The following CELF2 variants were observed in gnomAD, a reference collection of about 807,000 sequenced individuals.
CELF2 encodes CUG triplet repeat RNA-binding protein 2.
Under a neutral mutation model 62.6 loss-of-function variants are expected in CELF2, and 8 were observed. That is an observed-to-expected ratio of 0.13 (90% CI 0.07 to 0.23). The LOEUF (loss-of-function observed/expected upper bound fraction) is 0.23, where lower values mean the gene tolerates loss of function less well. Ranked by LOEUF, CELF2 falls within the 10% of genes least tolerant of loss-of-function variation. The probability of loss-of-function intolerance (pLI) is 1.00; values close to 1 mark genes in which losing one functional copy is unlikely to be tolerated. For synonymous variants in CELF2, 258 were observed against 250.0 expected, an observed-to-expected ratio of 1.03 and a Z score of -0.30; for missense variants, 333 against 671.0, an observed-to-expected ratio of 0.50 and a Z score of 5.56.
chr10:10,587,702 C>T, the CELF2 span, among the ~76,000 whole-genome samples: 2 of 152,132 alleles, frequency 1.3e-5, no homozygotes, highest in African/African-American at 2.4e-5. Context: ...AAACTATCCA[C>T]GTTAGCCCTA....
chr10:10,572,910 G>T, the CELF2 span, among the ~76,000 whole-genome samples: 1 of 152,210 alleles, frequency 6.6e-6, no homozygotes, highest in Non-Finnish European at 1.5e-5. Context: ...GGTATTTCTG[G>T]TTTTAGATCT....
At chr10:10,830,841 T>C (rs2057790352) in intron 1 of CELF2, among the ~76,000 whole-genome samples, 1 of 152,236 alleles carries the variant, frequency 6.6e-6, no homozygotes, top group African/African-American at 2.4e-5. Context: ...AACACAAATA[T>C]ATTACAAAAC....
At chr10:10,552,075 G>A in the CELF2 span, among the ~76,000 whole-genome samples, 1 of 152,218 alleles carries the variant, frequency 6.6e-6, no homozygotes, top group African/African-American at 2.4e-5. Context: ...CAAAAGACGA[G>A]TGGGTGGTTT....
At chr10:11,125,718 C>T (rs1195216638) in intron 1 of CELF2, among the ~76,000 whole-genome samples, 1 of 152,220 alleles carries the variant, frequency 6.6e-6, no homozygotes, top group African/African-American at 2.4e-5. Flanking sequence ...ATCCTGTCCA[C>T]TTACTTTGTC....
the CELF2 span, among the ~76,000 whole-genome samples, chr10:10,535,731 CA>C: frequency 9.9e-5 from 15 of 151,940 alleles, no homozygotes; most frequent in Non-Finnish European, 1.6e-4. Flanking sequence ...CAAAAACAAA[CA>C]AACAAAAACA....
Position 11,011,985 on chromosome 10 carries a change from G to T in CELF2, c.53+6545G>T, listed in dbSNP as rs2056541331. ...ATATAACTGCTGTAGTGATAATTAG[G>T]TTAACACATTGTACTTCTTATCTGA... On this transcript the variant is annotated intron_variant, in intron 1 of 12. Transcript: ENST00000416382. The surrounding 1 kb of genome is among the most constrained non-coding windows in gnomAD (Gnocchi z 4.6). Among the ~76,000 whole-genome samples, 1 of 152,170 alleles carries T rather than the reference G, an allele frequency of 6.6e-6. No individual in the cohort carries two copies. The highest frequency in any genetic ancestry group is 1.9e-4 in the East Asian group (1 of 5,200).
At chr10:10,883,517 C>T (rs1803283318) in intron 1 of CELF2, among the ~76,000 whole-genome samples, 1 of 152,100 alleles carries the variant, frequency 6.6e-6, no homozygotes, top group Non-Finnish European at 1.5e-5. Context: ...TGTGTGATCC[C>T]AACAGTCATC....
At chr10:10,737,792 G>A in the CELF2 span, among the ~76,000 whole-genome samples, 3 of 151,994 alleles carry the variant, frequency 2.0e-5, no homozygotes, top group South Asian at 4.1e-4. Context: ...CTGAGTCAAG[G>A]TCAAAAGAAA....
rs1335236829 is a variant in CELF2, at chr10:11,039,132, T to C, written c.74+20969T>C. On this transcript the variant is annotated intron_variant, in intron 1 of 12. Transcript: ENST00000633077. The surrounding 1 kb of genome is among the most constrained non-coding windows in gnomAD (Gnocchi z 4.1). ...TAACGGCGATAACAGCCGAGTCCTG[T>C]GTCAGCTCTCCTATTAGCGTGGAGG... 6.6e-6 allele frequency among the ~76,000 whole-genome samples: 1 copy of C among 152,216 alleles called. No homozygotes were observed. Among genetic ancestry groups the C allele is most frequent in the Non-Finnish European group, 1.5e-5 (1 of 68,032 alleles).
Position 11,160,072 on chromosome 10 carries a change from G to A in CELF2, c.75-5414G>A, listed in dbSNP as rs1596365926. On this transcript the variant is annotated intron_variant, in intron 1 of 12. Transcript: ENST00000633077. The stretch of plus-strand genomic sequence containing the variant: ...CAGCCTGTGTCACCTGTGAGCCAGA[G>A]GGACTGAATTGGACACAGGCAAGGA... Among the ~76,000 whole-genome samples the A allele has an allele frequency of 3.9e-5, 6 of 152,248 alleles. No homozygotes were observed. The South Asian group carries it at 1.2e-3, about 31-fold the overall frequency.
At chr10:10,562,961 G>A in the CELF2 span, among the ~76,000 whole-genome samples, 1 of 151,920 alleles carries the variant, frequency 6.6e-6, no homozygotes. Flanking sequence ...AAGATAAAGG[G>A]ACAGAATACG....
At chr10:10,591,419 G>T in the CELF2 span, among the ~76,000 whole-genome samples, 2 of 151,652 alleles carry the variant, frequency 1.3e-5, no homozygotes, top group East Asian at 3.9e-4. Flanking sequence ...ACAAAGTTGG[G>T]CATATAGTAA....
chr10:10,767,319 G>A, the CELF2 span, among the ~76,000 whole-genome samples: 724 of 152,082 alleles, frequency 4.8e-3, 4 homozygotes, highest in African/African-American at 9.9e-3. Flanking sequence ...TGGGCCTCCT[G>A]TTCCTGTGCT....
At chr10:10,511,446 A>G in the CELF2 span, among the ~76,000 whole-genome samples, 1 of 151,996 alleles carries the variant, frequency 6.6e-6, no homozygotes, top group East Asian at 1.9e-4. Context: ...ATATGTATAC[A>G]TATATTTTTA....
intron 1 of CELF2, among the ~76,000 whole-genome samples, chr10:10,904,152 C>A (rs2063148486): frequency 6.6e-6 from 1 of 152,154 alleles, no homozygotes; most frequent in Non-Finnish European, 1.5e-5. Context: ...ACACAAACAT[C>A]CTTAAACTGA....
At chr10:10,674,088 C>T in the CELF2 span, among the ~76,000 whole-genome samples, 1 of 152,126 alleles carries the variant, frequency 6.6e-6, no homozygotes. Flanking sequence ...TGATTGTATG[C>T]CTGCTGGATC....
the CELF2 span, among the ~76,000 whole-genome samples, chr10:10,778,504 A>T: frequency 6.6e-6 from 1 of 152,208 alleles, no homozygotes; most frequent in East Asian, 1.9e-4. Context: ...AAAAATAAAT[A>T]AAGTCAAATT....
chr10:10,646,771 C>T, the CELF2 span, among the ~76,000 whole-genome samples: 1 of 152,186 alleles, frequency 6.6e-6, no homozygotes, highest in African/African-American at 2.4e-5. Context: ...ACTTGCATGG[C>T]ATTTTATTTG....
intron 1 of CELF2, among the ~76,000 whole-genome samples, chr10:10,823,981 G>C (rs1259263318): frequency 4.6e-5 from 7 of 152,170 alleles, no homozygotes; most frequent in Middle Eastern, 3.4e-3. Context: ...TAGATAGATA[G>C]ATAGATACAT....
Sources: gnomAD v4.1 joint callset for allele counts (sites outside exome capture counted in the v4.1 genomes callset) on GRCh38, gnomAD v4.1.1 for gene constraint, Gnocchi (gnomAD v3.1) non-coding constraint, MANE v1.5 for transcripts, NCBI Gene and HGNC (gene_info 2026-07-23, HGNC 2026-07-21) for gene names.